The following SH3RF1 variants were observed in gnomAD, a reference collection of about 807,000 sequenced individuals.
SH3RF1 encodes E3 ubiquitin-protein ligase SH3RF1.
A neutral mutation model predicts 74.0 loss-of-function variants in SH3RF1; 32 were observed. The ratio of observed to expected loss-of-function variants is 0.43; its 90% CI spans 0.33 to 0.58. The LOEUF is 0.58. Among genes scored for constraint, SH3RF1 ranks in the 20% least tolerant of loss-of-function variants. The pLI, the probability that SH3RF1 is intolerant of heterozygous loss-of-function variation, is 0.05. For missense variants in SH3RF1, 954 were observed against 1,130.9 expected (o/e 0.84, Z 2.24); for synonymous variants, 396 against 439.6 (o/e 0.90, Z 1.24).
At chr4:169,162,779 C>G (rs1397642481) in intron 2 of SH3RF1, among the ~76,000 whole-genome samples, 1 of 152,214 alleles carries the variant, frequency 6.6e-6, no homozygotes, top group African/African-American at 2.4e-5. Flanking sequence ...TGCAGCCAGC[C>G]AGCCCCCCTC....
intron 2 of SH3RF1, among the ~76,000 whole-genome samples, chr4:169,248,086 C>T (rs1731034423): frequency 6.6e-6 from 1 of 152,178 alleles, no homozygotes; most frequent in African/African-American, 2.4e-5. Flanking sequence ...GTGGCACTTC[C>T]TCAAGGATCT....
intron 7 of SH3RF1, among the ~76,000 whole-genome samples, chr4:169,121,515 C>T (rs1051784813): frequency 2.0e-5 from 3 of 152,142 alleles, no homozygotes; most frequent in African/African-American, 7.2e-5. Context: ...CAAGGGAGAA[C>T]AAAGTCCAGA....
chr4:169,144,848 A>T (rs1320172631), intron 4 of SH3RF1, among the ~76,000 whole-genome samples: 5 of 152,248 alleles, frequency 3.3e-5, no homozygotes, highest in African/African-American at 9.6e-5. Flanking sequence ...AGTCAAGCAT[A>T]AAAGTCATGG....
intron 2 of SH3RF1, among the ~76,000 whole-genome samples, chr4:169,218,370 T>C (rs920667545): frequency 2.6e-4 from 36 of 140,276 alleles, no homozygotes; most frequent in Admixed American, 9.6e-4. Context: ...ATATAATATA[T>C]AGAATATAGA....
At chr4:169,214,180 A>G (rs1297597982) in intron 2 of SH3RF1, among the ~76,000 whole-genome samples, 1 of 152,200 alleles carries the variant, frequency 6.6e-6, no homozygotes, top group Non-Finnish European at 1.5e-5. Context: ...TGTCCTTGCA[A>G]TAATGAGTGA....
rs927228668 is a variant in SH3RF1 at position 169,190,451 on chromosome 4, T to A, written c.394-33772A>T. 5.3e-5 allele frequency among the ~76,000 whole-genome samples: 8 copies of A among 151,948 alleles called. No homozygotes were observed. In the East Asian group the frequency reaches 7.7e-4, roughly 15 times the overall value. ...CGAGGTTACTATGAACACCTTTACA[T>A]GCATAAACTAGAAAACCTAGAGGAG... On this transcript the variant is annotated intron_variant, in intron 2 of 11. Transcript: ENST00000284637.
intron 4 of SH3RF1, among the ~76,000 whole-genome samples, chr4:169,149,035 G>A (rs979151686): frequency 2.0e-5 from 3 of 152,176 alleles, no homozygotes; most frequent in African/African-American, 4.8e-5. Context: ...TTATGGCTAT[G>A]CAGGAAATCT....
At chr4:169,187,475 A>T (rs1023383605) in intron 2 of SH3RF1, among the ~76,000 whole-genome samples, 3 of 151,782 alleles carry the variant, frequency 2.0e-5, no homozygotes, top group Non-Finnish European at 4.4e-5. Context: ...GGCATGAGCC[A>T]TCACACCCAG....
intron 10 of SH3RF1, among the ~76,000 whole-genome samples, chr4:169,114,597 C>T (rs1733301262): frequency 6.6e-6 from 1 of 152,164 alleles, no homozygotes; most frequent in Non-Finnish European, 1.5e-5. Flanking sequence ...TGAAGAGTCC[C>T]TGTTCTTATC....
intron 2 of SH3RF1, among the ~76,000 whole-genome samples, chr4:169,193,429 G>T (rs1279833315): frequency 6.6e-6 from 1 of 152,148 alleles, no homozygotes; most frequent in Non-Finnish European, 1.5e-5. Context: ...TCCACCCCCA[G>T]AGAGTTATTT....
chr4:169,231,805 T>C (rs1730744052), intron 2 of SH3RF1, among the ~76,000 whole-genome samples: 1 of 152,352 alleles, frequency 6.6e-6, no homozygotes, highest in African/African-American at 2.4e-5. Flanking sequence ...ATTCACTTAA[T>C]AGTCATCAAA....
intron 2 of SH3RF1, chr4:169,220,190 A>G (rs748696185): frequency 6.6e-6 from 1 of 152,236 alleles, no homozygotes; most frequent in East Asian, 1.9e-4. Context: ...AAATGTGCAT[A>G]ATTTTGACTG....
At chr4:169,166,325 A>T (rs1734242363) in intron 2 of SH3RF1, 1 of 154,298 alleles carries the variant, frequency 6.5e-6, no homozygotes, top group Non-Finnish European at 1.5e-5. Context: ...ACCCGAAGCC[A>T]CGAAGGCTGA....
At chr4:169,201,455 T>C (rs1401274203) in intron 2 of SH3RF1, among the ~76,000 whole-genome samples, 2 of 152,250 alleles carry the variant, frequency 1.3e-5, no homozygotes, top group Non-Finnish European at 2.9e-5. Context: ...TTCAACAAGT[T>C]CTGAAAGTAG....
At chr4:169,100,797 T>C (rs78216939) in intron 11 of SH3RF1, among the ~76,000 whole-genome samples, 1,774 of 152,316 alleles carry the variant, frequency 0.012, 48 homozygotes, top group African/African-American at 0.041. Context: ...CAGCTGTAGC[T>C]ACTACTATCA....
rs143502164 is a variant in SH3RF1, at chr4:169,132,083, T to C, written c.1069-1927A>G. On this transcript the variant is annotated intron_variant, in intron 5 of 11. Transcript: ENST00000284637. ...CATTTTTAACAAATCTCTGCTTTTG[T>C]TGCTTCATTCTTTCCTTGCTTTGTG... Among the ~76,000 whole-genome samples, 4 of 152,362 alleles carry C rather than the reference T, an allele frequency of 2.6e-5. No homozygotes were observed. The East Asian group carries it at 7.7e-4, about 29-fold the overall frequency.
chr4:169,231,718 G>A lies in SH3RF1; in HGVS notation c.393+37102C>T, dbSNP rs532565110. Among the ~76,000 whole-genome samples, 20 of 152,132 alleles carry A rather than the reference G, an allele frequency of 1.3e-4. No individual in the cohort carries two copies. The East Asian group carries it at 3.9e-3, about 29-fold the overall frequency. ...ACATAACCACCCACTATGCATTACT[G>A]CTCCCTTCCAAATCACCTGGACAAC... On this transcript the variant is annotated intron_variant, in intron 2 of 11. Coordinates refer to ENST00000284637, the MANE Select transcript of SH3RF1 (RefSeq NM_020870.4).
At chr4:169,158,497 T>A (rs1288528722) in intron 2 of SH3RF1, among the ~76,000 whole-genome samples, 1 of 151,106 alleles carries the variant, frequency 6.6e-6, no homozygotes, top group African/African-American at 2.4e-5. Context: ...TATGAAAGAG[T>A]TTTTATTGCT....
At chr4:169,133,417 G>A (rs1733649035) in intron 5 of SH3RF1, among the ~76,000 whole-genome samples, 1 of 151,738 alleles carries the variant, frequency 6.6e-6, no homozygotes, top group Non-Finnish European at 1.5e-5. Context: ...GAAGGTTGCA[G>A]TGAGCCAAGA....
Sources: allele counts gnomAD v4.1 joint callset (sites outside exome capture counted in the v4.1 genomes callset), GRCh38; gene constraint gnomAD v4.1.1; transcripts MANE v1.5; gene names NCBI Gene and HGNC (gene_info 2026-07-23, HGNC 2026-07-21).